The following ZFYVE28 variants were observed in gnomAD, a reference collection of about 807,000 sequenced individuals.
ZFYVE28 encodes the protein lateral signaling target protein 2 homolog.
A neutral mutation model predicts 82.1 loss-of-function variants in ZFYVE28; 40 were observed. The observed-to-expected ratio is 0.49, with a 90% CI of 0.38 to 0.63. The LOEUF (loss-of-function observed/expected upper bound fraction) is 0.63. Ranked by LOEUF, ZFYVE28 falls within the 30% of genes least tolerant of loss-of-function variation. ZFYVE28 has a pLI of 0.00. For missense variants in ZFYVE28, 1,321 were observed against 1,242.1 expected (o/e 1.06, Z -0.96); for synonymous variants, 612 against 546.1 (o/e 1.12, Z -1.68).
chr4:2,375,387 C>T (rs766090413), intron 1 of ZFYVE28, among the ~76,000 whole-genome samples: 1 of 152,234 alleles, frequency 6.6e-6, no homozygotes, highest in East Asian at 1.9e-4. Flanking sequence ...GCCCCGGTAC[C>T]TCCCCAAGGG....
At chr4:2,347,536 C>T (rs192890789) in intron 2 of ZFYVE28, among the ~76,000 whole-genome samples, 126 of 152,234 alleles carry the variant, frequency 8.3e-4, no homozygotes, top group African/African-American at 2.9e-3. Flanking sequence ...AGCCTCAATA[C>T]GTGTAAAAAT....
Position 2,304,548 on chromosome 4 carries a change from C to A in ZFYVE28, c.1792G>T (p.Gly598Cys), listed in dbSNP as rs149217247. ...GCCCTGTCGCTGGCCTTGGCTAAGC[C>A]GGCAGCGTACGAGGCACCAATGACG... ...GGVIGASYAA[G>C]LAKASDRAPE... is the part of the protein sequence containing the mutation. Residue 598 changes from glycine to cysteine, a missense_variant, in exon 8 of 13, where the codon GGC becomes TGC. Physicochemically the swap from Gly to Cys is radical, Grantham distance 159. Transcript: ENST00000290974. 48 of 1,612,580 alleles carry A rather than the reference C, an allele frequency of 3.0e-5. No individual in the cohort carries two copies. Among genetic ancestry groups the A allele is most frequent in the Admixed American group, 5.0e-5 (3 of 59,970 alleles).
intron 1 of ZFYVE28, among the ~76,000 whole-genome samples, chr4:2,411,884 TGGGGGG>T: frequency 6.6e-6 from 1 of 152,068 alleles, no homozygotes; most frequent in Middle Eastern, 3.4e-3. Flanking sequence ...AGACAACAAA[TGGGGGG>T]CACAGGCCAT....
At chr4:2,399,849 C>T (rs542330229) in intron 1 of ZFYVE28, among the ~76,000 whole-genome samples, 29 of 152,226 alleles carry the variant, frequency 1.9e-4, no homozygotes, top group Non-Finnish European at 3.5e-4. Context: ...GTCACGTGGG[C>T]CACATGGGGT....
chr4:2,322,024 C>A (rs958140107), intron 6 of ZFYVE28, among the ~76,000 whole-genome samples: 1 of 152,212 alleles, frequency 6.6e-6, no homozygotes, highest in Non-Finnish European at 1.5e-5. Flanking sequence ...ACCCAAGACC[C>A]CCTGGGCTGT....
intron 5 of ZFYVE28, among the ~76,000 whole-genome samples, chr4:2,336,286 C>G (rs1454359717): frequency 6.6e-6 from 1 of 152,236 alleles, no homozygotes; most frequent in Non-Finnish European, 1.5e-5. Context: ...GTGAGCAGGC[C>G]TGCTGGCATC....
intron 6 of ZFYVE28, chr4:2,329,030 T>G (rs1578112523): frequency 1.8e-5 from 12 of 677,660 alleles, no homozygotes; most frequent in Non-Finnish European, 2.2e-5. Context: ...TTGTAGTAAG[T>G]TTTGAAATCA....
In ZFYVE28 at chr4:2,304,599, G is replaced by C; in HGVS notation, c.1741C>G (p.Leu581Val). 6.2e-7 allele frequency: 1 copy of C among 1,612,408 alleles called. No homozygotes were observed. The highest frequency in any genetic ancestry group is 8.5e-7 in the Non-Finnish European group (1 of 1,179,794). Reference protein sequence around the residue: ...GDSREDVVERLREKCSPGGVI... With the variant: ...GDSREDVVERVREKCSPGGVI... ...CCTCCCGGGCTGCACTTCTCCCGCA[G>C]ACGCTCCACCACGTCCTCCCTGCTG... is the stretch of plus-strand genomic sequence containing the variant. Residue 581 changes from leucine to valine, a missense_variant, in exon 8 of 13, where the codon CTG becomes GTG. Physicochemically the swap from Leu to Val is conservative, Grantham distance 32. This residue lies in a region of ZFYVE28 where 978 missense variants were observed against 833.7 expected (regional missense o/e 1.17). Coordinates refer to ENST00000290974, the MANE Select transcript of ZFYVE28 (RefSeq NM_020972.3).
Position 2,334,109 on chromosome 4 carries a change from C to T in ZFYVE28, c.701+1596G>A, listed in dbSNP as rs371939688. ...AGGATTTCCGAGCCTCCCTCTGGCG[C>T]GATGTGAGGCTCACTCTCTCTGGTT... On this transcript the variant is annotated intron_variant, in intron 6 of 12. Transcript: ENST00000290974. Among the ~76,000 whole-genome samples the T allele has an allele frequency of 2.0e-4, 30 of 152,238 alleles. No homozygotes were observed. The East Asian group carries it at 2.7e-3, about 14-fold the overall frequency.
At chr4:2,380,248 T>C (rs958728482) in intron 1 of ZFYVE28, among the ~76,000 whole-genome samples, 5 of 152,208 alleles carry the variant, frequency 3.3e-5, no homozygotes, top group South Asian at 4.1e-4. Flanking sequence ...TCTCTTTGGG[T>C]AACTCACTAG....
chr4:2,378,544 C>T (rs1373470911), intron 1 of ZFYVE28, among the ~76,000 whole-genome samples: 4 of 152,210 alleles, frequency 2.6e-5, no homozygotes, highest in Admixed American at 6.5e-5. Flanking sequence ...TCCACTCTCT[C>T]CCTGGGACTC....
intron 1 of ZFYVE28, among the ~76,000 whole-genome samples, chr4:2,390,404 G>A (rs1729704131): frequency 6.6e-6 from 1 of 152,166 alleles, no homozygotes; most frequent in Non-Finnish European, 1.5e-5. Context: ...AACGAATACA[G>A]GCAGGGCCAC....
chr4:2,292,057 A>C (rs978688009), intron 8 of ZFYVE28, among the ~76,000 whole-genome samples: 4 of 152,062 alleles, frequency 2.6e-5, no homozygotes, highest in Non-Finnish European at 5.9e-5. Context: ...ACGTCCCCCA[A>C]CCAGGCTCCT....
chr4:2,411,239 GT>G (rs138632477), intron 1 of ZFYVE28, among the ~76,000 whole-genome samples: 19,128 of 151,922 alleles, frequency 0.13, 1,304 homozygotes, highest in Non-Finnish European at 0.15. Flanking sequence ...CACTTGATGT[GT>G]CCCCTACACC....
chr4:2,412,296 A>C (rs1732605653), intron 1 of ZFYVE28, among the ~76,000 whole-genome samples: 2 of 152,160 alleles, frequency 1.3e-5, no homozygotes, highest in South Asian at 4.1e-4. Flanking sequence ...TGAAACCCTA[A>C]GGTAGCTAAA....
intron 1 of ZFYVE28, among the ~76,000 whole-genome samples, chr4:2,393,076 C>T (rs1307313158): frequency 2.0e-5 from 3 of 152,254 alleles, no homozygotes; most frequent in African/African-American, 4.8e-5. Context: ...GCTGCGTCTG[C>T]CCCTCCTTTG....
At chr4:2,297,630 G>A (rs576163560) in intron 8 of ZFYVE28, among the ~76,000 whole-genome samples, 3 of 152,378 alleles carry the variant, frequency 2.0e-5, no homozygotes, top group South Asian at 2.1e-4. Flanking sequence ...TGGCAAAGAT[G>A]GCCAGGAACA....
At chr4:2,363,687 T>C (rs1726471032) in intron 1 of ZFYVE28, among the ~76,000 whole-genome samples, 1 of 152,222 alleles carries the variant, frequency 6.6e-6, no homozygotes, top group South Asian at 2.1e-4. Context: ...CATGGAGGAC[T>C]AAACAGTAGC....
intron 1 of ZFYVE28, among the ~76,000 whole-genome samples, chr4:2,404,721 T>C (rs1731644846): frequency 6.6e-6 from 1 of 152,174 alleles, no homozygotes; most frequent in South Asian, 2.1e-4. Flanking sequence ...AGGGTGTTTA[T>C]ATGGGATGAT....
Sources: gnomAD v4.1 joint callset for allele counts (sites outside exome capture counted in the v4.1 genomes callset) on GRCh38, gnomAD v4.1.1 for gene constraint, gnomAD v4.1.1 regional missense constraint, MANE v1.5 for transcripts, NCBI Gene and HGNC (gene_info 2026-07-23, HGNC 2026-07-21) for gene names.